Variants in FANCE observed in about 807,000 individuals in gnomAD.
The protein encoded by FANCE is FA complementation group E, also known as Fanconi anemia group E protein.
FANCE carries 42 observed loss-of-function variants against 57.8 expected under a neutral mutation model. The ratio of observed to expected loss-of-function variants is 0.73; its 90% CI spans 0.57 to 0.94. The LOEUF (loss-of-function observed/expected upper bound fraction) is 0.94, where lower values mean the gene tolerates loss of function less well. Ranked by LOEUF, FANCE falls within the 40% of genes least tolerant of loss-of-function variation. FANCE has a pLI of 0.00. For synonymous variants in FANCE, 251 were observed against 286.4 expected (o/e 0.88, Z 1.25); for missense variants, 608 against 661.8 (o/e 0.92, Z 0.89).
In FANCE at chr6:35,457,569, G is replaced by A. The variant is rs747078723; in HGVS notation, c.869G>A (p.Arg290Lys). The change falls in exon 3 of 10, where the codon AGG becomes AAG. Residue 290 changes from arginine (R) to lysine (K), a missense_variant. Arg to Lys is a conservative substitution (Grantham distance 26, BLOSUM62 2). Transcript: ENST00000229769. ...TCTCCTCCACAGGACCAGCTTCCCAGGCTGCAGCAGCTGCTGAAGACCTTG... is the reference window on the plus strand; with the variant it reads ...TCTCCTCCACAGGACCAGCTTCCCAAGCTGCAGCAGCTGCTGAAGACCTTG... ...LPKAIQDQLP[R>K]LQQLLKTLEE... is the part of the protein sequence containing the mutation. 9.9e-6 allele frequency: 16 copies of A among 1,613,788 alleles called. No individual in the cohort carries two copies. The highest frequency in any genetic ancestry group is 3.3e-5 in the Admixed American group (2 of 60,004).
At chr6:35,460,455 C>G (rs975576744) in intron 7 of FANCE, 97 bp from the exon 8 acceptor site, 2 of 1,255,994 alleles carry the variant, frequency 1.6e-6, no homozygotes, top group Non-Finnish European at 2.3e-6. Flanking sequence ...TTGGCTGTCC[C>G]CAGGGCCTTG....
At chr6:35,460,313 AC>A (rs1472313147) in intron 7 of FANCE, among the ~76,000 whole-genome samples, 1 of 152,088 alleles carries the variant, frequency 6.6e-6, no homozygotes, top group East Asian at 1.9e-4. Context: ...ACGGGATTTC[AC>A]CATGTTGGCC....
chr6:35,464,339 G>A (rs192412632), intron 9 of FANCE, among the ~76,000 whole-genome samples: 215 of 141,918 alleles, frequency 1.5e-3, no homozygotes, highest in African/African-American at 5.3e-3. Context: ...CCGGGTTCAC[G>A]CCATTCTCCT....
chr6:35,466,093 C>T (rs2150905305), intron 9 of FANCE, 151 bp from the exon 10 acceptor site: 1 of 656,518 alleles, frequency 1.5e-6, no homozygotes, highest in Middle Eastern at 2.7e-4. Flanking sequence ...ACCTCGTTAA[C>T]CATGGTGAAA....
chr6:35,456,002 T>G lies in FANCE; in HGVS notation c.504T>G (p.Cys168Trp). 2 of 1,613,138 alleles carry G rather than the reference T, an allele frequency of 1.2e-6. No individual in the cohort carries two copies. Among genetic ancestry groups the G allele is most frequent in the Non-Finnish European group, 1.7e-6 (2 of 1,179,712 alleles). Reference sequence around the variant, plus strand: ...GCCAGAGACAGCTCCAAAGTCTATGTAGGGGGCTGGGCCTGGGGGGCAGGA... The same window carrying G: ...GCCAGAGACAGCTCCAAAGTCTATGGAGGGGGCTGGGCCTGGGGGGCAGGA... ...ERCQRQLQSL[C>W]RGLGLGGRRL... Residue 168 changes from cysteine (C) to tryptophan (W), a missense_variant, in exon 2 of 10, where the codon TGT becomes TGG. Cys to Trp is a radical substitution (Grantham distance 215). Coordinates refer to ENST00000229769, the MANE Select transcript of FANCE (RefSeq NM_021922.3). The surrounding 1 kb of genome is among the most constrained non-coding windows in gnomAD (Gnocchi z 4.3).
intron 2 of FANCE, among the ~76,000 whole-genome samples, chr6:35,457,283 C>G (rs1196432049): frequency 6.6e-6 from 1 of 152,036 alleles, no homozygotes; most frequent in Non-Finnish European, 1.5e-5. Context: ...TGCACCATCA[C>G]GCCTGGCTAA....
At chr6:35,466,114 A>C (rs1767822409) in intron 9 of FANCE, 130 bp from the exon 10 acceptor site, 3 of 716,414 alleles carry the variant, frequency 4.2e-6, no homozygotes, top group Admixed American at 2.0e-5. Flanking sequence ...TAATGAGATT[A>C]GATTGCTCAG....
intron 8 of FANCE, 64 bp downstream of exon 8, chr6:35,460,682 G>T (rs1767556285): frequency 6.8e-7 from 1 of 1,467,302 alleles, no homozygotes; most frequent in Non-Finnish European, 9.5e-7. Flanking sequence ...AGCACACGGG[G>T]TTCCTGGGTT....
intron 9 of FANCE, among the ~76,000 whole-genome samples, chr6:35,463,369 C>G (rs1767668345): frequency 6.6e-6 from 1 of 152,096 alleles, no homozygotes; most frequent in South Asian, 2.1e-4. Context: ...AAGCCCAGGA[C>G]TGGGGAATGA....
chr6:35,459,935 G>A (rs1767518187), intron 7 of FANCE, among the ~76,000 whole-genome samples, 175 bp downstream of exon 7: 1 of 152,018 alleles, frequency 6.6e-6, no homozygotes, highest in Admixed American at 6.6e-5. Context: ...TTGTTCTCAC[G>A]ATGCACTTTC....
intron 7 of FANCE, among the ~76,000 whole-genome samples, chr6:35,460,193 G>A (rs1024992686): frequency 1.3e-5 from 2 of 152,138 alleles, no homozygotes; most frequent in African/African-American, 4.8e-5. Context: ...TTGGCTCACT[G>A]CAGCCTCTGC....
Position 35,456,025 on chromosome 6 carries a change from G to A in FANCE, c.527G>A (p.Arg176Lys), listed in dbSNP as rs1182774913. 6 of 1,612,840 alleles carry A rather than the reference G, an allele frequency of 3.7e-6. No homozygotes were observed. Among genetic ancestry groups the A allele is most frequent in the Non-Finnish European group, 5.1e-6 (6 of 1,179,548 alleles). ...SLCRGLGLGG[R>K]RLKSPQAPDP... ...TGTAGGGGGCTGGGCCTGGGGGGCA[G>A]GAGGTTGAAATCCCCCCAGGCTCCA... The change falls in exon 2 of 10, where the codon AGG (arginine) becomes AAG (lysine). Residue 176 changes from arginine to lysine, a missense_variant. By Grantham distance (26) the Arg-to-Lys change is conservative (BLOSUM62 2). Coordinates refer to ENST00000229769, the MANE Select transcript of FANCE (RefSeq NM_021922.3). This position sits in a 1 kb window ranked among gnomAD's most constrained non-coding sequence, Gnocchi z 4.3.
At chr6:35,460,710 A>G (rs907183182) in intron 8 of FANCE, 92 bp downstream of exon 8, 1 of 1,169,246 alleles carries the variant, frequency 8.6e-7, no homozygotes. Context: ...CCTTCAGTGC[A>G]TGGAGGGTCA....
At position 35,452,767 on chromosome 6, in the gene FANCE, G is replaced by T. The variant is rs1015415361; in HGVS notation, c.222G>T (p.Val74=). 11 of 1,291,626 alleles carry T rather than the reference G, an allele frequency of 8.5e-6. No homozygotes were observed. Among genetic ancestry groups the T allele is most frequent in the African/African-American group, 3.1e-5 (2 of 65,376 alleles). The allele number at this position is 1,291,626 out of a possible 1,614,324, so 80.0% of individuals were successfully genotyped here. ...LEALCREEPV[V]QGPDGRLELK... ...CCCTGTGCCGGGAGGAGCCGGTCGT[G>T]CAGGGGCCTGACGGCCGTCTGGAGC... Residue 74 remains valine (V), a synonymous_variant, in exon 1 of 10, where the codon GTG becomes GTT. Transcript: ENST00000229769.
At chr6:35,460,519 C>T (rs754176972) in intron 7 of FANCE, 33 bp from the exon 8 acceptor site, 4 of 1,606,238 alleles carry the variant, frequency 2.5e-6, no homozygotes, top group African/African-American at 1.3e-5. Flanking sequence ...GGTGGGAGGC[C>T]AGGCATTTTT....
chr6:35,457,996 T>G lies in FANCE; in HGVS notation c.969+12T>G. On this transcript the variant is annotated intron_variant, in intron 4 of 9. Coordinates refer to ENST00000229769, the MANE Select transcript of FANCE (RefSeq NM_021922.3). ...GTAGTCCCAGCCAGGTGAGTCCAGA[T>G]GACTGCCTGGCTCTGAGGTTACATT... 6.2e-7 allele frequency: 1 copy of G among 1,610,008 alleles called. No homozygotes were observed. The highest frequency in any genetic ancestry group is 8.5e-7 in the Non-Finnish European group (1 of 1,176,226).
chr6:35,460,952 T>A (rs530353406), intron 8 of FANCE, among the ~76,000 whole-genome samples: 1 of 152,312 alleles, frequency 6.6e-6, no homozygotes, highest in East Asian at 1.9e-4. Flanking sequence ...AGAGTCTGGC[T>A]TTGTTGCCCA....
Position 35,466,265 on chromosome 6 carries a change from G to A in FANCE, c.1531G>A (p.Gly511Ser). Reference sequence around the variant, plus strand: ...CCAGATCACTGAGACCCAGAGGCTGGGCCTGGCTATGGCCCTAGAACCTAA... The same window carrying A: ...CCAGATCACTGAGACCCAGAGGCTGAGCCTGGCTATGGCCCTAGAACCTAA... ...QANITETQRLGLAMALEPNTT... is the reference protein window; with the variant it reads ...QANITETQRLSLAMALEPNTT... Residue 511 changes from glycine to serine, a missense_variant, in exon 10 of 10, where the codon GGC becomes AGC. Coordinates refer to ENST00000229769, the MANE Select transcript of FANCE (RefSeq NM_021922.3). The A allele has an allele frequency of 6.2e-7, 1 of 1,613,214 alleles. No homozygotes were observed. Among genetic ancestry groups the A allele is most frequent in the Non-Finnish European group, 8.5e-7 (1 of 1,179,174 alleles).
chr6:35,455,599 C>T, intron 1 of FANCE, 148 bp from the exon 2 acceptor site: 1 of 957,910 alleles, frequency 1.0e-6, no homozygotes, highest in Non-Finnish European at 1.7e-6. Flanking sequence ...GTGTGAGTCA[C>T]CACACCTGGC....
Sources: allele counts gnomAD v4.1 joint callset (sites outside exome capture counted in the v4.1 genomes callset), GRCh38; gene constraint gnomAD v4.1.1; non-coding constraint Gnocchi (gnomAD v3.1); transcripts MANE v1.5; gene names NCBI Gene and HGNC (gene_info 2026-07-23, HGNC 2026-07-21).